DENND1B: variants seen among roughly 807,000 people sequenced by gnomAD.
DENND1B encodes the protein DENN domain containing 1B, also known as DENN domain-containing protein 1B.
Under a neutral mutation model 90.1 loss-of-function variants are expected in DENND1B, and 59 were observed. That is an observed-to-expected ratio of 0.65 (90% confidence interval 0.53 to 0.81). The LOEUF (loss-of-function observed/expected upper bound fraction) is 0.81, where lower values mean the gene tolerates loss of function less well. Ranked by LOEUF, DENND1B falls within the 40% of genes least tolerant of loss-of-function variation. The probability of loss-of-function intolerance (pLI) is 0.00; values close to 1 mark genes in which losing one functional copy is unlikely to be tolerated. For missense variants in DENND1B, 862 were observed against 912.6 expected, an observed-to-expected ratio of 0.94 and a Z score of 0.71; for synonymous variants, 337 against 324.6, an observed-to-expected ratio of 1.04 and a Z score of -0.41.
At chr1:197,780,330 T>C (rs1328041415), upstream of DENND1B, among the ~76,000 whole-genome samples, 25 of 149,174 alleles carry the variant, frequency 1.7e-4, no homozygotes, top group African/African-American at 5.4e-4. Context: ...GGCTTTTCTT[T>C]TTTTTTTTTT....
intron 20 of DENND1B, among the ~76,000 whole-genome samples, chr1:197,527,490 C>G (rs1669232339): frequency 1.3e-5 from 2 of 151,998 alleles, no homozygotes; most frequent in South Asian, 4.1e-4. Context: ...CCGTGTTGGC[C>G]AGGCTGGTCT....
intron 3 of DENND1B, chr1:197,690,101 A>G: frequency 4.6e-6 from 1 of 217,720 alleles, no homozygotes. Flanking sequence ...CTACTTTTGC[A>G]CCAGTTAACA....
intron 2 of DENND1B, among the ~76,000 whole-genome samples, chr1:197,771,687 G>A (rs1377905053): frequency 6.6e-6 from 1 of 152,204 alleles, no homozygotes; most frequent in Non-Finnish European, 1.5e-5. Flanking sequence ...TTGCTGGATA[G>A]TTTCTGAAGC....
chr1:197,562,040 A>T (rs1281412739), intron 15 of DENND1B, among the ~76,000 whole-genome samples: 1 of 151,786 alleles, frequency 6.6e-6, no homozygotes, highest in East Asian at 1.9e-4. Flanking sequence ...ATCTACATTG[A>T]CTATATTATT....
At chr1:197,610,136 T>A (rs1677048606) in intron 12 of DENND1B, among the ~76,000 whole-genome samples, 2 of 150,584 alleles carry the variant, frequency 1.3e-5, no homozygotes, top group South Asian at 4.2e-4. Flanking sequence ...TTAAATAAAA[T>A]AAGGCTGACT....
chr1:197,597,909 CA>C (rs990943372), intron 13 of DENND1B, among the ~76,000 whole-genome samples: 16 of 151,018 alleles, frequency 1.1e-4, no homozygotes, highest in Non-Finnish European at 1.5e-4. Flanking sequence ...AGACTCAGTA[CA>C]AAAAAAACTC....
chr1:197,753,897 G>C (rs1470192188), intron 2 of DENND1B, among the ~76,000 whole-genome samples: 1 of 151,980 alleles, frequency 6.6e-6, no homozygotes, highest in Non-Finnish European at 1.5e-5. Context: ...CTACTCAGGA[G>C]GCTGAGACAG....
chr1:197,545,556 A>G, intron 18 of DENND1B: 1 of 198,398 alleles, frequency 5.0e-6, no homozygotes, highest in South Asian at 9.1e-5. Context: ...AGACCTCGCT[A>G]TATTTTTCTT....
intron 13 of DENND1B, among the ~76,000 whole-genome samples, chr1:197,604,324 C>T (rs965892519): frequency 2.0e-5 from 3 of 151,190 alleles, no homozygotes; most frequent in Non-Finnish European, 4.4e-5. Context: ...GAAAGCTTTG[C>T]CCTGATTTAT....
intron 3 of DENND1B, among the ~76,000 whole-genome samples, chr1:197,695,737 C>A (rs542151629): frequency 4.0e-5 from 6 of 150,916 alleles, no homozygotes; most frequent in Non-Finnish European, 8.9e-5. Context: ...CAGAATCAAG[C>A]CCAAACAACC....
At chr1:197,754,982 C>T (rs1654092493) in intron 2 of DENND1B, among the ~76,000 whole-genome samples, 1 of 152,108 alleles carries the variant, frequency 6.6e-6, no homozygotes, top group Non-Finnish European at 1.5e-5. Context: ...CACTCATATA[C>T]ATACATAGGC....
At chr1:197,645,478 C>CCACAACCAGATATTAAGAAG (rs1680647310) in intron 9 of DENND1B, among the ~76,000 whole-genome samples, 1 of 151,624 alleles carries the variant, frequency 6.6e-6, no homozygotes, top group Admixed American at 6.6e-5. Context: ...TTTTCCTTAT[C>CCACAACCAGATATTAAGAAG]CACAACCAGA....
intron 2 of DENND1B, among the ~76,000 whole-genome samples, chr1:197,736,455 C>T (rs1282040527): frequency 6.6e-6 from 1 of 151,976 alleles, no homozygotes; most frequent in African/African-American, 2.4e-5. Flanking sequence ...CCTCAGCCTC[C>T]CAAATAGCTA....
chr1:197,637,163 A>G (rs539399918), intron 10 of DENND1B, among the ~76,000 whole-genome samples: 1 of 152,174 alleles, frequency 6.6e-6, no homozygotes, highest in East Asian at 1.9e-4. Flanking sequence ...TGATTACACT[A>G]TCAGCACAAA....
At chr1:197,541,795 C>T (rs1670355069) in intron 18 of DENND1B, among the ~76,000 whole-genome samples, 1 of 152,276 alleles carries the variant, frequency 6.6e-6, no homozygotes, top group African/African-American at 2.4e-5. Flanking sequence ...GTTATCACAA[C>T]AATTCTGTAA....
chr1:197,542,865 C>T (rs889394153), intron 18 of DENND1B, among the ~76,000 whole-genome samples: 1 of 152,072 alleles, frequency 6.6e-6, no homozygotes, highest in African/African-American at 2.4e-5. Flanking sequence ...TTCTAAAGAT[C>T]TTAATTCACC....
At chr1:197,735,356 G>A (rs1016007465) in intron 2 of DENND1B, 1 of 1,329,680 alleles carries the variant, frequency 7.5e-7, no homozygotes, top group South Asian at 1.6e-5. Flanking sequence ...GCTCCACCTT[G>A]GCTTTTGGCA....
At chr1:197,732,512 C>G (rs564858920) in intron 2 of DENND1B, among the ~76,000 whole-genome samples, 2 of 152,030 alleles carry the variant, frequency 1.3e-5, no homozygotes, top group Admixed American at 1.3e-4. Flanking sequence ...CAAAGGGAAT[C>G]GGAATAATAG....
In DENND1B at chr1:197,509,845, G is replaced by C. The variant is rs1290545217; in HGVS notation, c.*615C>G. The C allele has an allele frequency of 1.3e-5, 2 of 152,116 alleles. No homozygotes were observed. Among genetic ancestry groups the C allele is most frequent in the African/African-American group, 2.4e-5 (1 of 41,372 alleles). The allele number at this position is 152,116 out of a possible 1,614,324, so 9.4% of individuals were successfully genotyped here. ...ATACTTTTTGGAAAACATGGCTATA[G>C]TGCTTTATATAAGCAAATTAAATAT... On this transcript the variant is annotated 3_prime_UTR_variant, in exon 23 of 23. Coordinates refer to ENST00000620048, the MANE Select transcript of DENND1B (RefSeq NM_001195215.2).
Sources: gnomAD v4.1 joint callset for allele counts (sites outside exome capture counted in the v4.1 genomes callset) on GRCh38, gnomAD v4.1.1 for gene constraint, MANE v1.5 for transcripts, NCBI Gene and HGNC (gene_info 2026-07-23, HGNC 2026-07-21) for gene names.